SPPL3: variants seen among roughly 807,000 people sequenced by gnomAD.
SPPL3 encodes the protein signal peptide peptidase-like 3.
A neutral mutation model predicts 42.4 loss-of-function variants in SPPL3; 5 were observed. The observed-to-expected ratio is 0.12, with a 90% CI of 0.06 to 0.25. The LOEUF is 0.25. SPPL3 is among the 10% of genes least tolerant of loss of function. SPPL3 has a pLI of 1.00. For missense variants in SPPL3, 235 were observed against 489.0 expected (o/e 0.48, Z 4.90); for synonymous variants, 195 against 181.8 (o/e 1.07, Z -0.58).
intron 1 of SPPL3, among the ~76,000 whole-genome samples, chr12:120,848,920 A>C (rs1872132299): frequency 6.6e-6 from 1 of 152,152 alleles, no homozygotes; most frequent in African/African-American, 2.4e-5. Context: ...TGTAACACTC[A>C]ATTTTGGTTT....
rs533009891 is a variant in SPPL3 at position 120,819,432 on chromosome 12, G to A, written c.24-8546C>T. On this transcript the variant is annotated intron_variant, in intron 1 of 10. Transcript: ENST00000353487. The stretch of plus-strand genomic sequence containing the variant: ...GTTAGTACCATTCTTGGGGCTTATG[G>A]TAGCAAATACAAATTTTCAAAAATT... Among the ~76,000 whole-genome samples, 147 of 152,226 alleles carry A rather than the reference G, an allele frequency of 9.7e-4. 2 individuals carry two copies. The highest frequency in any genetic ancestry group is 5.4e-3 in the South Asian group (26 of 4,816).
At chr12:120,837,408 T>C (rs1423294296) in intron 1 of SPPL3, among the ~76,000 whole-genome samples, 2 of 152,238 alleles carry the variant, frequency 1.3e-5, no homozygotes, top group Admixed American at 6.5e-5. Flanking sequence ...CATTTTTTTA[T>C]TGGTGGCACA....
At chr12:120,858,852 G>A (rs868811959) in intron 1 of SPPL3, among the ~76,000 whole-genome samples, 7 of 152,256 alleles carry the variant, frequency 4.6e-5, no homozygotes, top group East Asian at 3.9e-4. Context: ...TAGAGAAAAC[G>A]AAATGTGAGC....
intron 1 of SPPL3, among the ~76,000 whole-genome samples, chr12:120,836,529 C>T (rs1385843021): frequency 6.1e-5 from 9 of 147,838 alleles, no homozygotes; most frequent in Non-Finnish European, 9.0e-5. Flanking sequence ...AGACACCACA[C>T]GGGACAAAGA....
intron 2 of SPPL3, among the ~76,000 whole-genome samples, chr12:120,809,174 T>A (rs1313535829): frequency 6.6e-6 from 1 of 152,116 alleles, no homozygotes; most frequent in Non-Finnish European, 1.5e-5. Flanking sequence ...TGAAACCCCA[T>A]CTCTACTAAA....
At chr12:120,851,295 A>T (rs1233296818) in intron 1 of SPPL3, among the ~76,000 whole-genome samples, 1 of 152,168 alleles carries the variant, frequency 6.6e-6, no homozygotes, top group Non-Finnish European at 1.5e-5. Context: ...CTGCCTGTAA[A>T]TCACTGGCCT....
intron 6 of SPPL3, 140 bp from the exon 7 acceptor site, chr12:120,769,199 C>T: frequency 1.6e-6 from 1 of 633,358 alleles, no homozygotes; most frequent in Non-Finnish European, 2.8e-6. Context: ...CAGAAACTTA[C>T]ATGCAACTGG....
rs572527848 is a variant in SPPL3, at chr12:120,824,326, G to C, written c.24-13440C>G. 9.2e-5 allele frequency among the ~76,000 whole-genome samples: 14 copies of C among 151,726 alleles called. No individual in the cohort carries two copies. The South Asian group carries it at 2.7e-3, about 29-fold the overall frequency. On this transcript the variant is annotated intron_variant, in intron 1 of 10. Transcript: ENST00000353487. ...ATAACACTAAAATTTTTTTTTAATG[G>C]AACACAGGATTCTGGTGGAAACGTT... is the stretch of plus-strand genomic sequence containing the variant.
chr12:120,809,218 G>A (rs901306242), intron 2 of SPPL3, among the ~76,000 whole-genome samples: 5 of 152,084 alleles, frequency 3.3e-5, no homozygotes, highest in Admixed American at 2.0e-4. Context: ...GGTGGCGGGC[G>A]CCTGTAGTCC....
chr12:120,880,701 C>T (rs1363748491), intron 1 of SPPL3, among the ~76,000 whole-genome samples: 1 of 151,632 alleles, frequency 6.6e-6, no homozygotes, highest in Non-Finnish European at 1.5e-5. Context: ...GCAGGAGAAT[C>T]GCTTGAACCC....
At chr12:120,855,839 A>G (rs1872436879) in intron 1 of SPPL3, among the ~76,000 whole-genome samples, 1 of 152,250 alleles carries the variant, frequency 6.6e-6, no homozygotes, top group Non-Finnish European at 1.5e-5. Flanking sequence ...TTGAAGCCCC[A>G]GAGCCACATG....
At chr12:120,885,087 T>A (rs986760084) in intron 1 of SPPL3, among the ~76,000 whole-genome samples, 1 of 152,184 alleles carries the variant, frequency 6.6e-6, no homozygotes, top group Non-Finnish European at 1.5e-5. Context: ...ATTAATACTT[T>A]GTAATACCAA....
At chr12:120,781,026 G>A (rs968503430) in intron 6 of SPPL3, among the ~76,000 whole-genome samples, 6 of 152,218 alleles carry the variant, frequency 3.9e-5, no homozygotes, top group African/African-American at 1.2e-4. Context: ...TGGCTGGGAT[G>A]AGCTAGTTCT....
intron 1 of SPPL3, among the ~76,000 whole-genome samples, chr12:120,857,481 T>G (rs1592998527): frequency 6.6e-6 from 1 of 152,192 alleles, no homozygotes; most frequent in South Asian, 2.1e-4. Flanking sequence ...TGGGTACATA[T>G]CCAAAGGAAT....
At chr12:120,888,533 T>C (rs949174427) in intron 1 of SPPL3, among the ~76,000 whole-genome samples, 2 of 152,168 alleles carry the variant, frequency 1.3e-5, no homozygotes, top group African/African-American at 4.8e-5. Context: ...TTAAAAACAC[T>C]GTGCTAAGTG....
intron 1 of SPPL3, among the ~76,000 whole-genome samples, chr12:120,852,760 C>CATATATGAAA (rs1555252649): frequency 3.9e-5 from 2 of 51,128 alleles, no homozygotes; most frequent in Admixed American, 2.2e-4. Flanking sequence ...TATATTATAT[C>CATATATGAAA]TATGTATATT....
In SPPL3 at chr12:120,884,808, G is replaced by GGGTTTT. The variant is rs35074232; in HGVS notation, c.23+19036_23+19037insAAAACC. On this transcript the variant is annotated intron_variant, in intron 1 of 10. Transcript: ENST00000353487. Reference sequence around the variant, plus strand: ...GAGTTTTTTTGGGTTTTTTTTTTGGGTTTTTTTTTTTTTTTGGCTTTCAGA... The same window carrying GGGTTTT: ...GAGTTTTTTTGGGTTTTTTTTTTGGGGGTTTTTTTTTTTTTTTTTTTGGCTTTCAGA... Among the ~76,000 whole-genome samples the GGGTTTT allele has an allele frequency of 7.3e-5, 10 of 137,488 alleles. 1 individual carries two copies. Among genetic ancestry groups the GGGTTTT allele is most frequent in the Admixed American group, 2.3e-4 (3 of 13,316 alleles). The allele number at this position is 137,488 out of a possible 152,430, so 90.2% of individuals were successfully genotyped here.
At chr12:120,766,879 C>G (rs497273) in intron 9 of SPPL3, among the ~76,000 whole-genome samples, 114,594 of 152,104 alleles carry the variant, frequency 0.75, 44,331 homozygotes, top group African/African-American at 0.92. Context: ...TTGAGGAGGA[C>G]GTACGGAGTG....
At chr12:120,845,512 TGG>T in intron 1 of SPPL3, 1 of 443,612 alleles carries the variant, frequency 2.3e-6, no homozygotes, top group Non-Finnish European at 4.4e-6. Flanking sequence ...AAGCCTATGG[TGG>T]GAATGGTGGT....
Sources: gnomAD v4.1 joint callset for allele counts (sites outside exome capture counted in the v4.1 genomes callset) on GRCh38, gnomAD v4.1.1 for gene constraint, MANE v1.5 for transcripts, NCBI Gene and HGNC (gene_info 2026-07-23, HGNC 2026-07-21) for gene names.